PCDHGA7: variants seen among roughly 807,000 people sequenced by gnomAD.
PCDHGA7 encodes the protein protocadherin gamma-A7.
Under a neutral mutation model 58.3 loss-of-function variants are expected in PCDHGA7, and 44 were observed. The observed-to-expected ratio is 0.75, with a 90% confidence interval of 0.59 to 0.97. The LOEUF is 0.97. Ranked by LOEUF, PCDHGA7 falls within the 50% of genes least tolerant of loss-of-function variation. The probability of loss-of-function intolerance (pLI) is 0.00; values close to 1 mark genes in which losing one functional copy is unlikely to be tolerated. For synonymous variants in PCDHGA7, 516 were observed against 504.2 expected (o/e 1.02, Z -0.31); for missense variants, 1,266 against 1,188.7 (o/e 1.06, Z -0.96).
chr5:141,501,288 T>TATACACATAC (rs201660636), intron 2 of PCDHGA7, among the ~76,000 whole-genome samples: 2 of 81,228 alleles, frequency 2.5e-5, no homozygotes, highest in African/African-American at 9.9e-5. Flanking sequence ...GATATTCCCT[T>TATACACATAC]ATACACACAC....
intron 1 of PCDHGA7, among the ~76,000 whole-genome samples, chr5:141,397,601 T>C (rs1225684125): frequency 5.3e-5 from 8 of 152,198 alleles, no homozygotes; most frequent in Admixed American, 3.3e-4. Flanking sequence ...ATATTGCCAG[T>C]GACAAGGGCA....
rs376721940 is a variant in PCDHGA7, at chr5:141,410,147, G to A, written c.2424+24824G>A. 18 of 1,612,952 alleles carry A rather than the reference G, an allele frequency of 1.1e-5. No homozygotes were observed. The East Asian group carries it at 3.6e-4, about 32-fold the overall frequency. ...GCGCCTGCTGGTCGCTGTGCGTGAC[G>A]GTGGACAGCCGCCACTCTCTGCCAC... On this transcript the variant is annotated intron_variant, in intron 1 of 3. Transcript: ENST00000518325.
At position 141,420,290 on chromosome 5, in the gene PCDHGA7, T is replaced by C. The variant is rs563124810; in HGVS notation, c.2424+34967T>C. 1.3e-5 allele frequency: 19 copies of C among 1,496,908 alleles called. No individual in the cohort carries two copies. The East Asian group carries it at 3.9e-4, about 30-fold the overall frequency. 92.7% of individuals were successfully genotyped at this position (1,496,908 alleles called of 1,614,324 possible). A position where few individuals can be genotyped will look rare whatever the true frequency, so the allele number is the denominator to read the frequency against. ...TCTTAAACAGGTAAGTATTTAAAAA[T>C]GTATTTAATCCTTTTTATATTACAA... On this transcript the variant is annotated intron_variant, in intron 1 of 3. Transcript: ENST00000518325.
At chr5:141,482,840 G>A (rs1343123459) in intron 1 of PCDHGA7, among the ~76,000 whole-genome samples, 2 of 152,212 alleles carry the variant, frequency 1.3e-5, no homozygotes, top group Admixed American at 6.5e-5. Context: ...GGGAGGCCAA[G>A]GTGGGCAGAT....
intron 1 of PCDHGA7, among the ~76,000 whole-genome samples, chr5:141,438,579 CATACATACATACAT>C (rs1434774868): frequency 9.0e-5 from 5 of 55,782 alleles, no homozygotes; most frequent in Admixed American, 2.8e-4. Context: ...GATATACATA[CATACATACATACAT>C]ATATATATAT....
At chr5:141,474,461 CTT>C (rs1264129273) in intron 1 of PCDHGA7, among the ~76,000 whole-genome samples, 1 of 152,214 alleles carries the variant, frequency 6.6e-6, no homozygotes, top group East Asian at 1.9e-4. Context: ...GGGCTATACT[CTT>C]TATTCTAAAT....
chr5:141,412,215 C>T (rs1265657058), intron 1 of PCDHGA7: 1 of 152,240 alleles, frequency 6.6e-6, no homozygotes, highest in Non-Finnish European at 1.5e-5. Flanking sequence ...GACATAAACA[C>T]TTACTTGTTA....
intron 1 of PCDHGA7, among the ~76,000 whole-genome samples, chr5:141,457,543 A>G (rs555448211): frequency 2.6e-5 from 4 of 152,346 alleles, no homozygotes; most frequent in African/African-American, 9.6e-5. Flanking sequence ...TTAATGACAA[A>G]TGTATGATAA....
chr5:141,428,055 G>C (rs1232516220), intron 1 of PCDHGA7: 8 of 1,608,952 alleles, frequency 5.0e-6, no homozygotes, highest in African/African-American at 1.3e-5. Context: ...CAAGGTGGTG[G>C]CGGTGGACGC....
At chr5:141,410,338 C>T (rs1050053577) in intron 1 of PCDHGA7, 35 of 1,613,900 alleles carry the variant, frequency 2.2e-5, no homozygotes, top group Non-Finnish European at 2.2e-5. Context: ...TGGCCATTGC[C>T]TTGCGCCTGC....
At chr5:141,386,122 A>G (rs980639132) in intron 1 of PCDHGA7, 1 of 152,152 alleles carries the variant, frequency 6.6e-6, no homozygotes, top group Non-Finnish European at 1.5e-5. Flanking sequence ...AAAGTGGGAG[A>G]TTGGGGATAC....
chr5:141,394,018 A>T (rs2092900242), intron 1 of PCDHGA7: 1 of 1,613,496 alleles, frequency 6.2e-7, no homozygotes. Flanking sequence ...GGTAATTATT[A>T]TAGATTAGTG....
In PCDHGA7 at chr5:141,387,729, A is replaced by C. The variant is rs536775462; in HGVS notation, c.2424+2406A>C. ...GCCCCAGCTCAGACTCCCCAGCGCC[A>C]GCCTTTACACCGCTTCCTCCTCGGA... On this transcript the variant is annotated intron_variant, in intron 1 of 3. Coordinates refer to ENST00000518325, the MANE Select transcript of PCDHGA7 (RefSeq NM_018920.4). The C allele has an allele frequency of 4.9e-6, 6 of 1,227,140 alleles. No individual in the cohort carries two copies. The African/African-American group carries it at 7.6e-5, about 16-fold the overall frequency. The allele number at this position is 1,227,140 out of a possible 1,614,324, so 76.0% of individuals were successfully genotyped here.
chr5:141,479,269 A>C (rs1279389471), intron 1 of PCDHGA7: 1 of 152,374 alleles, frequency 6.6e-6, no homozygotes, highest in Non-Finnish European at 1.5e-5. Context: ...TAAAAGTAAT[A>C]ATTTATTTCA....
intron 1 of PCDHGA7, chr5:141,415,477 C>A (rs2095874299): frequency 1.9e-6 from 3 of 1,614,184 alleles, no homozygotes; most frequent in Non-Finnish European, 2.5e-6. Flanking sequence ...CGCGGACTCG[C>A]GAAAGAGTCA....
chr5:141,465,385 C>T (rs752724696), intron 1 of PCDHGA7, among the ~76,000 whole-genome samples: 3 of 151,978 alleles, frequency 2.0e-5, no homozygotes, highest in Admixed American at 6.6e-5. Context: ...AGATTAGGAA[C>T]AAAAACAAGT....
chr5:141,483,750 A>G (rs1453478545), intron 1 of PCDHGA7, among the ~76,000 whole-genome samples: 1 of 152,138 alleles, frequency 6.6e-6, no homozygotes, highest in African/African-American at 2.4e-5. Flanking sequence ...ATTCCTGAGG[A>G]TCGAGGCTTG....
At chr5:141,450,211 T>TTTCA (rs1038674129) in intron 1 of PCDHGA7, among the ~76,000 whole-genome samples, 23 of 152,166 alleles carry the variant, frequency 1.5e-4, no homozygotes, top group African/African-American at 4.3e-4. Flanking sequence ...AGAGACAAGG[T>TTTCA]TTCACTATGT....
intron 1 of PCDHGA7, chr5:141,426,221 A>G (rs1279749881): frequency 6.3e-6 from 1 of 158,300 alleles, no homozygotes; most frequent in Non-Finnish European, 1.4e-5. Context: ...GGAAGTAAAT[A>G]TTTTAAAAGC....
Sources: allele counts gnomAD v4.1 joint callset (sites outside exome capture counted in the v4.1 genomes callset), GRCh38; gene constraint gnomAD v4.1.1; transcripts MANE v1.5; gene names NCBI Gene and HGNC (gene_info 2026-07-23, HGNC 2026-07-21).